DNAJB11: variants seen among roughly 807,000 people sequenced by gnomAD.
DNAJB11 encodes the protein dnaJ homolog subfamily B member 11.
Under a neutral mutation model 47.2 loss-of-function variants are expected in DNAJB11, and 30 were observed. The ratio of observed to expected loss-of-function variants is 0.64; its 90% confidence interval spans 0.48 to 0.86. The LOEUF (loss-of-function observed/expected upper bound fraction) is 0.86. Ranked by LOEUF, DNAJB11 falls within the 40% of genes least tolerant of loss-of-function variation. The pLI is 0.00. For synonymous variants in DNAJB11, 151 were observed against 159.9 expected (o/e 0.94, Z 0.42); for missense variants, 357 against 440.2 (o/e 0.81, Z 1.69).
At chr3:186,571,953 G>C in intron 1 of DNAJB11, 142 bp from the exon 2 acceptor site, 1 of 544,690 alleles carries the variant, frequency 1.8e-6, no homozygotes, top group Non-Finnish European at 3.1e-6. Context: ...CATTCTTTGT[G>C]TGTGTATGTG....
At chr3:186,584,928 G>A (rs1291618897) in intron 9 of DNAJB11, among the ~76,000 whole-genome samples, 1 of 152,100 alleles carries the variant, frequency 6.6e-6, no homozygotes, top group Admixed American at 6.5e-5. Flanking sequence ...GAAGCTTATG[G>A]GTGCATGTCT....
intron 3 of DNAJB11, among the ~76,000 whole-genome samples, chr3:186,576,789 G>A (rs1715313398): frequency 6.6e-6 from 1 of 152,098 alleles, no homozygotes; most frequent in South Asian, 2.1e-4. Context: ...AATTTGGCTG[G>A]CTGAAGTGAT....
chr3:186,570,921 C>T lies in DNAJB11; in HGVS notation c.24C>T (p.Thr8=). The change falls in exon 1 of 10, where the codon ACC becomes ACT. Residue 8 remains threonine (T), a synonymous_variant. Transcript: ENST00000265028. MAPQNLS[T]FCLLLLYLIG... is the part of the protein sequence containing the mutation. Reference sequence around the variant, plus strand: ...CCATGGCTCCGCAGAACCTGAGCACCTTTTGCCTGTTGCTGCTATACCTCA... The same window carrying T: ...CCATGGCTCCGCAGAACCTGAGCACTTTTTGCCTGTTGCTGCTATACCTCA... 2 of 1,580,206 alleles carry T rather than the reference C, an allele frequency of 1.3e-6. No homozygotes were observed. Among genetic ancestry groups the T allele is most frequent in the Non-Finnish European group, 1.7e-6 (2 of 1,159,806 alleles).
In DNAJB11 at chr3:186,572,082, C is replaced by G. The variant is rs775825031; in HGVS notation, c.69-13C>G. Reference sequence around the variant, plus strand: ...AACTCTTTAATGAAGTATTCTCTCCCTCTACTTCCCAGACGAGATTTCTAT... The same window carrying G: ...AACTCTTTAATGAAGTATTCTCTCCGTCTACTTCCCAGACGAGATTTCTAT... On this transcript the variant is annotated splice_polypyrimidine_tract_variant and intron_variant, in intron 1 of 9. Transcript: ENST00000265028. 2 of 1,558,278 alleles carry G rather than the reference C, an allele frequency of 1.3e-6. No individual in the cohort carries two copies. The highest frequency in any genetic ancestry group is 2.4e-5 in the South Asian group (2 of 82,324).
chr3:186,584,627 G>GTGTT, intron 9 of DNAJB11, 38 bp downstream of exon 9: 4 of 1,492,438 alleles, frequency 2.7e-6, no homozygotes, highest in Non-Finnish European at 3.5e-6. Context: ...GTGTGTTTGT[G>GTGTT]TGTGTGTATG....
rs766315381 is a variant in DNAJB11, at chr3:186,585,374, T to C, written c.1043T>C (p.Val348Ala). The C allele has an allele frequency of 1.9e-6, 3 of 1,612,898 alleles. No individual in the cohort carries two copies. Among genetic ancestry groups the C allele is most frequent in the Non-Finnish European group, 2.5e-6 (3 of 1,179,498 alleles). ...GIKQLLKQGSVQKVYNGLQGY is the reference protein window; with the variant it reads ...GIKQLLKQGSAQKVYNGLQGY ...AAACAGCTACTGAAACAAGGGTCAG[T>C]GCAGAAGGTATACAATGGACTGCAA... The change falls in exon 10 of 10, where the codon GTG becomes GCG. Residue 348 changes from valine to alanine, a missense_variant. Coordinates refer to ENST00000265028, the MANE Select transcript of DNAJB11 (RefSeq NM_016306.6).
chr3:186,582,649 G>C lies in DNAJB11; in HGVS notation c.683-67G>C, dbSNP rs1017561013. ...AGTAGTGGATTAAAAAAATGTATCA[G>C]TTGCCAAATAGATTTGTGGTATTCA... On this transcript the variant is annotated intron_variant, in intron 6 of 9. Transcript: ENST00000265028. The C allele has an allele frequency of 3.7e-5, 50 of 1,341,440 alleles. 1 individual carries two copies. The South Asian group carries it at 4.5e-4, about 12-fold the overall frequency. The allele number at this position is 1,341,440 out of a possible 1,614,324, so 83.1% of individuals were successfully genotyped here. A position where few individuals can be genotyped will look rare whatever the true frequency, so the allele number is the denominator to read the frequency against.
At chr3:186,575,014 A>G (rs1715218538) in intron 2 of DNAJB11, among the ~76,000 whole-genome samples, 1 of 152,156 alleles carries the variant, frequency 6.6e-6, no homozygotes, top group African/African-American at 2.4e-5. Flanking sequence ...AAAAGGATGG[A>G]AGCTTATTTT....
intron 4 of DNAJB11, 165 bp downstream of exon 4, chr3:186,577,965 G>A (rs921995238): frequency 6.4e-6 from 3 of 470,216 alleles, no homozygotes; most frequent in African/African-American, 6.1e-5. Flanking sequence ...ATACACTGAT[G>A]TCATTGTTTT....
Position 186,572,207 on chromosome 3 carries a change from C to G in DNAJB11, c.181C>G (p.Pro61Ala). 1 of 1,613,672 alleles carries G rather than the reference C, an allele frequency of 6.2e-7. No individual in the cohort carries two copies. ...QLHPDRNPDD[P>A]QAQEKFQDLG... ...TCATCCCGACCGGAACCCTGATGAT[C>G]CACAAGCCCAGGAGAAATTCCAGGA... Residue 61 changes from proline (P) to alanine (A), a missense_variant, in exon 2 of 10, where the codon CCA becomes GCA. Physicochemically the swap from Pro to Ala is conservative, Grantham distance 27. Coordinates refer to ENST00000265028, the MANE Select transcript of DNAJB11 (RefSeq NM_016306.6).
rs373503570 is a variant in DNAJB11, at chr3:186,575,935, A to G, written c.321A>G (p.Ser107=). Residue 107 remains serine (S), a splice_region_variant and synonymous_variant, in exon 3 of 10, where the codon TCA becomes TCG. Coordinates refer to ENST00000265028, the MANE Select transcript of DNAJB11 (RefSeq NM_016306.6). The part of the protein sequence containing the change: ...GHQSSHGDIF[S]HFFGDFGFMF... ...AGAGCTCCCATGGAGACATTTTTTC[A>G]CAGTGAGTAATTTACCCATCTGCAA... 4.2e-5 allele frequency: 67 copies of G among 1,608,368 alleles called. No individual in the cohort carries two copies. Among genetic ancestry groups the G allele is most frequent in the Non-Finnish European group, 5.7e-5 (67 of 1,175,010 alleles).
At chr3:186,581,536 T>C in intron 5 of DNAJB11, 23 bp downstream of exon 5, 1 of 1,608,722 alleles carries the variant, frequency 6.2e-7, no homozygotes, top group South Asian at 1.1e-5. Flanking sequence ...ACCTTCTTTG[T>C]TCTACCAAGA....
chr3:186,583,534 G>A (rs940031343), intron 7 of DNAJB11, among the ~76,000 whole-genome samples: 2 of 152,078 alleles, frequency 1.3e-5, no homozygotes, highest in African/African-American at 4.8e-5. Flanking sequence ...CATTTCTACA[G>A]CCAACTTAGT....
Position 186,572,090 on chromosome 3 carries a change from C to T in DNAJB11, c.69-5C>T, listed in dbSNP as rs1190821980. The T allele has an allele frequency of 6.4e-7, 1 of 1,570,560 alleles. No individual in the cohort carries two copies. The highest frequency in any genetic ancestry group is 2.1e-5 in the Admixed American group (1 of 48,688). On this transcript the variant is annotated splice_polypyrimidine_tract_variant and splice_region_variant and intron_variant, in intron 1 of 9. Coordinates refer to ENST00000265028, the MANE Select transcript of DNAJB11 (RefSeq NM_016306.6). ...AATGAAGTATTCTCTCCCTCTACTT[C>T]CCAGACGAGATTTCTATAAGATCTT...
At chr3:186,584,007 C>A in intron 8 of DNAJB11, 31 bp downstream of exon 8, 1 of 1,476,540 alleles carries the variant, frequency 6.8e-7, no homozygotes, top group Non-Finnish European at 9.5e-7. Flanking sequence ...GTTCTGCATC[C>A]TTTTGAAGCC....
Position 186,581,623 on chromosome 3 carries a change from C to G in DNAJB11, c.599+110C>G, listed in dbSNP as rs1016518790. Reference sequence around the variant, plus strand: ...TCTTTCTCTGTCCCCTCCCCACTGCCATGTTCTGCAAAAGGATAGAGCAAA... The same window carrying G: ...TCTTTCTCTGTCCCCTCCCCACTGCGATGTTCTGCAAAAGGATAGAGCAAA... On this transcript the variant is annotated intron_variant, in intron 5 of 9. Coordinates refer to ENST00000265028, the MANE Select transcript of DNAJB11 (RefSeq NM_016306.6). 4.0e-6 allele frequency: 5 copies of G among 1,244,468 alleles called. No individual in the cohort carries two copies. The African/African-American group carries it at 7.7e-5, about 19-fold the overall frequency. 77.1% of individuals were successfully genotyped at this position (1,244,468 alleles called of 1,614,324 possible).
At chr3:186,583,490 C>T (rs1184611358) in intron 7 of DNAJB11, among the ~76,000 whole-genome samples, 1 of 152,186 alleles carries the variant, frequency 6.6e-6, no homozygotes, top group Non-Finnish European at 1.5e-5. Flanking sequence ...TTCCTTCTCA[C>T]TCTATTTCCC....
Position 186,570,797 on chromosome 3 carries a change from GGT to G in DNAJB11, c.-97_-96del. ...ACCAAGGAGACCCCCGCGCCCCCCCGGTGTGAGGCGGCCTCACAGGGCCGGGT... is the reference window on the plus strand; with the variant it reads ...ACCAAGGAGACCCCCGCGCCCCCCCGGTGAGGCGGCCTCACAGGGCCGGGT... On this transcript the variant is annotated 5_prime_UTR_variant, in exon 1 of 10. Coordinates refer to ENST00000265028, the MANE Select transcript of DNAJB11 (RefSeq NM_016306.6). 1.8e-6 allele frequency: 2 copies of G among 1,093,414 alleles called. No individual in the cohort carries two copies. Among genetic ancestry groups the G allele is most frequent in the Non-Finnish European group, 2.7e-6 (2 of 743,924 alleles). 67.7% of individuals were successfully genotyped at this position (1,093,414 alleles called of 1,614,324 possible).
At chr3:186,572,739 T>A (rs570157924) in intron 2 of DNAJB11, among the ~76,000 whole-genome samples, 12 of 152,246 alleles carry the variant, frequency 7.9e-5, no homozygotes, top group Non-Finnish European at 1.6e-4. Flanking sequence ...GCAGATATTC[T>A]GCCTCCATAT....
Sources: allele counts gnomAD v4.1 joint callset (sites outside exome capture counted in the v4.1 genomes callset), GRCh38; gene constraint gnomAD v4.1.1; transcripts MANE v1.5; gene names NCBI Gene and HGNC (gene_info 2026-07-23, HGNC 2026-07-21).